The following STX16 variants were observed in gnomAD, a reference collection of about 807,000 sequenced individuals.
STX16 encodes syntaxin-16.
A neutral mutation model predicts 42.7 loss-of-function variants in STX16; 28 were observed. That is an observed-to-expected ratio of 0.66 (90% CI 0.49 to 0.90). The LOEUF (loss-of-function observed/expected upper bound fraction) is 0.90, where lower values mean the gene tolerates loss of function less well. STX16 is among the 40% of genes least tolerant of loss of function. The pLI, the probability that STX16 is intolerant of heterozygous loss-of-function variation, is 0.00. For missense variants in STX16, 361 were observed against 420.9 expected (o/e 0.86, Z 1.24); for synonymous variants, 156 against 155.2 (o/e 1.00, Z -0.04).
chr20:58,669,499 C>T, intron 5 of STX16, 46 bp downstream of exon 5: 1 of 1,559,528 alleles, frequency 6.4e-7, no homozygotes, highest in South Asian at 1.2e-5. Flanking sequence ...GTAAGAAAAG[C>T]ACTTTATGTT....
intron 2 of STX16, among the ~76,000 whole-genome samples, chr20:58,663,729 G>A (rs542167895): frequency 6.6e-6 from 1 of 152,180 alleles, no homozygotes; most frequent in South Asian, 2.1e-4. Flanking sequence ...AAAGGCTGGA[G>A]CACATTGGCA....
At chr20:58,671,448 GT>G (rs2083972278) in intron 7 of STX16, 151 bp downstream of exon 7, 4 of 418,204 alleles carry the variant, frequency 9.6e-6, no homozygotes, top group Admixed American at 8.0e-5. Context: ...GTGTGTGTGT[GT>G]GTGTGTGTGT....
intron 8 of STX16, among the ~76,000 whole-genome samples, chr20:58,674,722 G>T (rs1012808430): frequency 1.3e-5 from 2 of 152,082 alleles, no homozygotes; most frequent in East Asian, 1.9e-4. Context: ...TCTATGCAGG[G>T]TTTTTTTAAG....
chr20:58,661,723 G>A (rs2083704689), intron 2 of STX16, among the ~76,000 whole-genome samples: 1 of 152,230 alleles, frequency 6.6e-6, no homozygotes. Context: ...TACTGGCCTA[G>A]GAGCAGGGGG....
chr20:58,662,108 T>G (rs2083714453), intron 2 of STX16, among the ~76,000 whole-genome samples: 1 of 152,258 alleles, frequency 6.6e-6, no homozygotes, highest in African/African-American at 2.4e-5. Flanking sequence ...CTTTGTTCTC[T>G]GTCTTTAATC....
intron 7 of STX16, 53 bp downstream of exon 7, chr20:58,671,350 C>A: frequency 1.3e-6 from 2 of 1,532,286 alleles, no homozygotes; most frequent in Non-Finnish European, 1.8e-6. Flanking sequence ...ACTATCTGTA[C>A]CTTCTTTTTC....
At position 58,651,911 on chromosome 20, in the gene STX16, A is replaced by G. The variant is rs2083464450; in HGVS notation, c.-96A>G. On this transcript the variant is annotated 5_prime_UTR_variant, in exon 1 of 9. Transcript: ENST00000371141. ...AGGCCTTGTCGAGAAGCTTCCGTGA[A>G]AGGGTGGGCCAGCCGGGCCACGAGA... The G allele has an allele frequency of 5.8e-6, 8 of 1,379,268 alleles. No homozygotes were observed. The South Asian group carries it at 1.0e-4, about 17-fold the overall frequency. 85.4% of individuals were successfully genotyped at this position (1,379,268 alleles called of 1,614,324 possible). A position where few individuals can be genotyped will look rare whatever the true frequency, so the allele number is the denominator to read the frequency against.
rs150002957 is a variant in STX16 at position 58,662,753 on chromosome 20, C to G, written c.144+3119C>G. On this transcript the variant is annotated intron_variant, in intron 2 of 8. Coordinates refer to ENST00000371141, the MANE Select transcript of STX16 (RefSeq NM_001001433.3). The stretch of plus-strand genomic sequence containing the variant: ...ATGTTGCTCAGGCTGGTCTCGAACT[C>G]CTGAGCTCAAGTGATCCGCCTGCCT... 5.1e-3 allele frequency among the ~76,000 whole-genome samples: 777 copies of G among 152,262 alleles called. 6 individuals are homozygous for G. Among genetic ancestry groups the G allele is most frequent in the African/African-American group, 0.018 (755 of 41,546 alleles).
chr20:58,654,019 T>C (rs2083532819), intron 1 of STX16, among the ~76,000 whole-genome samples: 1 of 152,134 alleles, frequency 6.6e-6, no homozygotes, highest in African/African-American at 2.4e-5. Context: ...TAAAAATGGA[T>C]AGTTAACGTA....
chr20:58,653,634 C>T (rs2083522379), intron 1 of STX16, among the ~76,000 whole-genome samples: 1 of 152,098 alleles, frequency 6.6e-6, no homozygotes, highest in Non-Finnish European at 1.5e-5. Flanking sequence ...TCCAAGAAAT[C>T]GAGTAGAAAT....
At chr20:58,653,471 A>G (rs1327804620) in intron 1 of STX16, among the ~76,000 whole-genome samples, 1 of 152,236 alleles carries the variant, frequency 6.6e-6, no homozygotes, top group Non-Finnish European at 1.5e-5. Context: ...AACTAGGGAC[A>G]GAGTGTGTGT....
intron 1 of STX16, among the ~76,000 whole-genome samples, chr20:58,659,187 T>C (rs1467971127): frequency 6.6e-6 from 1 of 152,232 alleles, no homozygotes; most frequent in Non-Finnish European, 1.5e-5. Context: ...AAATATACAT[T>C]TATTTAACAT....
intron 1 of STX16, among the ~76,000 whole-genome samples, chr20:58,655,494 C>T (rs1330266627): frequency 6.6e-6 from 1 of 152,170 alleles, no homozygotes; most frequent in African/African-American, 2.4e-5. Context: ...CAGATAAACA[C>T]AAAGCCTCAA....
intron 2 of STX16, among the ~76,000 whole-genome samples, chr20:58,661,471 C>T (rs1045847596): frequency 1.3e-5 from 2 of 152,254 alleles, no homozygotes; most frequent in African/African-American, 4.8e-5. Flanking sequence ...CACGCTCACC[C>T]CAGTGCTATT....
At chr20:58,653,511 G>GTTTTT (rs996252777) in intron 1 of STX16, among the ~76,000 whole-genome samples, 2 of 151,802 alleles carry the variant, frequency 1.3e-5, no homozygotes, top group Non-Finnish European at 2.9e-5. Context: ...AAGTTGAAGG[G>GTTTTT]TTTTTTTTAC....
chr20:58,653,425 G>T (rs1272614967), intron 1 of STX16, among the ~76,000 whole-genome samples: 1 of 152,198 alleles, frequency 6.6e-6, no homozygotes, highest in Non-Finnish European at 1.5e-5. Context: ...GCGGTTTCAG[G>T]AATAAAAGCA....
At chr20:58,658,617 T>A (rs868215096) in intron 1 of STX16, among the ~76,000 whole-genome samples, 3 of 152,224 alleles carry the variant, frequency 2.0e-5, no homozygotes, top group Middle Eastern at 3.2e-3. Flanking sequence ...TGTTTTATTT[T>A]CTAAATTTAC....
chr20:58,673,771 G>C, intron 8 of STX16, 60 bp downstream of exon 8: 1 of 1,246,982 alleles, frequency 8.0e-7, no homozygotes, highest in Admixed American at 1.7e-5. Flanking sequence ...TCAAGAATTG[G>C]TAAGAGGGTT....
At chr20:58,671,066 T>G in intron 6 of STX16, 88 bp from the exon 7 acceptor site, 2 of 1,251,704 alleles carry the variant, frequency 1.6e-6, no homozygotes, top group African/African-American at 3.0e-5. Flanking sequence ...TTATTTTCAT[T>G]GTCTTTAAAT....
Sources: allele counts gnomAD v4.1 joint callset (sites outside exome capture counted in the v4.1 genomes callset), GRCh38; gene constraint gnomAD v4.1.1; transcripts MANE v1.5; gene names NCBI Gene and HGNC (gene_info 2026-07-23, HGNC 2026-07-21).